TECPR1: variants seen among roughly 807,000 people sequenced by gnomAD.
The protein encoded by TECPR1 is tectonin beta-propeller repeat containing 1.
A neutral mutation model predicts 162.4 loss-of-function variants in TECPR1; 122 were observed. The observed-to-expected ratio is 0.75, with a 90% CI of 0.65 to 0.87. The LOEUF (loss-of-function observed/expected upper bound fraction) is 0.87. Among genes scored for constraint, TECPR1 ranks in the 40% least tolerant of loss-of-function variants. TECPR1 has a pLI of 0.00. For synonymous variants in TECPR1, 642 were observed against 670.6 expected (o/e 0.96, Z 0.66); for missense variants, 1,432 against 1,618.2 (o/e 0.88, Z 1.97).
In TECPR1 at chr7:98,252,126, C is replaced by A. The variant is rs1405319947; in HGVS notation, c.-175G>T. 6.6e-6 allele frequency: 1 copy of A among 152,546 alleles called. No individual in the cohort carries two copies. The highest frequency in any genetic ancestry group is 1.5e-5 in the Non-Finnish European group (1 of 68,306). 9.4% of individuals were successfully genotyped at this position (152,546 alleles called of 1,614,324 possible). A position where few individuals can be genotyped will look rare whatever the true frequency, so the allele number is the denominator to read the frequency against. ...AGCTGGGGCGCCACTCTGCACTCAC[C>A]TGGGCCCGCGCCGGGCGGGGCGAAG... is the stretch of plus-strand genomic sequence containing the variant. On this transcript the variant is annotated splice_region_variant and 5_prime_UTR_variant, in exon 1 of 26. In the 5' UTR this introduces an upstream ATG that the reference lacks. Transcript: ENST00000447648.
Position 98,240,816 on chromosome 7 carries a change from G to A in TECPR1, c.933+35C>T, listed in dbSNP as rs758341335. Reference sequence around the variant, plus strand: ...GCTCACTGCAGTCTCCAACTCCTGGGCTCAAGTGATCCCCCAGCCTCATCC... The same window carrying A: ...GCTCACTGCAGTCTCCAACTCCTGGACTCAAGTGATCCCCCAGCCTCATCC... On this transcript the variant is annotated intron_variant, in intron 8 of 25. Transcript: ENST00000447648. 3 of 1,542,012 alleles carry A rather than the reference G, an allele frequency of 1.9e-6. No individual in the cohort carries two copies. In the South Asian group the frequency reaches 3.5e-5, roughly 18 times the overall value.
chr7:98,220,140 G>A (rs187380756), intron 23 of TECPR1, among the ~76,000 whole-genome samples: 4 of 151,884 alleles, frequency 2.6e-5, no homozygotes, highest in Admixed American at 1.3e-4. Context: ...TCAGGAGTTC[G>A]AGACCAGCCT....
chr7:98,251,007 C>T (rs1373391051), intron 2 of TECPR1: 1 of 152,200 alleles, frequency 6.6e-6, no homozygotes, highest in East Asian at 1.9e-4. Context: ...CCCCTAGCTC[C>T]TCATGGGCCA....
intron 19 of TECPR1, among the ~76,000 whole-genome samples, chr7:98,224,537 C>T (rs1445526696): frequency 6.6e-6 from 1 of 152,174 alleles, no homozygotes; most frequent in East Asian, 1.9e-4. Flanking sequence ...ATGAACGTGG[C>T]GTGGGGGAGC....
rs1296686951 is a variant in TECPR1, at chr7:98,232,255, T to G, written c.1819-296A>C. The stretch of plus-strand genomic sequence containing the variant: ...GACAGGCTCGGGAGGGTTCCGTGCC[T>G]GGCTTTGGTGTCACAGAGTGAGCCA... On this transcript the variant is annotated intron_variant, in intron 12 of 25. Transcript: ENST00000447648. This position sits in a 1 kb window ranked among gnomAD's most constrained non-coding sequence, Gnocchi z 4.6. Among the ~76,000 whole-genome samples the G allele has an allele frequency of 6.6e-6, 1 of 152,094 alleles. No homozygotes were observed. The highest frequency in any genetic ancestry group is 1.5e-5 in the Non-Finnish European group (1 of 68,016).
chr7:98,228,116 C>G lies in TECPR1; in HGVS notation c.2411G>C (p.Gly804Ala). ...TGGYGGGCFQGLASSTSNIYT... is the reference protein window; with the variant it reads ...TGGYGGGCFQALASSTSNIYT... ...GATGTTACTGGTGCTGCTGGCCAGG[C>G]CTGTGGGGAGAGGTGGCTGCTGGGA... The change falls in exon 17 of 26, where the codon GGC becomes GCC. Residue 804 changes from glycine (G) to alanine (A), a missense_variant and splice_region_variant. Transcript: ENST00000447648. The G allele has an allele frequency of 6.2e-7, 1 of 1,608,460 alleles. No homozygotes were observed. The highest frequency in any genetic ancestry group is 1.7e-4 in the Middle Eastern group (1 of 5,958).
Position 98,233,636 on chromosome 7 carries a change from G to A in TECPR1, c.1457C>T (p.Pro486Leu). ...PGPAPTPAEL[P>L]WTNIDLKEAK... ...CTCCTTGAGGTCAATATTGGTCCAG[G>A]GCAGCTCGGCCGGGGTGGGGGCCGG... The change falls in exon 11 of 26, where the codon CCC becomes CTC. Residue 486 changes from proline to leucine, a missense_variant. Transcript: ENST00000447648. 1.3e-6 allele frequency: 2 copies of A among 1,590,854 alleles called. No homozygotes were observed. The highest frequency in any genetic ancestry group is 1.7e-6 in the Non-Finnish European group (2 of 1,167,556).
chr7:98,217,547 G>GGACTC (rs1491414362), intron 25 of TECPR1, 44 bp from the exon 26 acceptor site: 2 of 38,168 alleles, frequency 5.2e-5, no homozygotes, highest in Non-Finnish European at 1.1e-4. Context: ...GGGGACTCGA[G>GGACTC]GATCCTGGAG....
chr7:98,225,229 T>G, intron 17 of TECPR1, 127 bp from the exon 18 acceptor site: 1 of 857,128 alleles, frequency 1.2e-6, no homozygotes, highest in Non-Finnish European at 1.9e-6. Flanking sequence ...CTCCAGGCAC[T>G]CGCACTCCTA....
intron 23 of TECPR1, among the ~76,000 whole-genome samples, chr7:98,220,370 G>A (rs537235580): frequency 2.0e-5 from 3 of 152,078 alleles, no homozygotes; most frequent in East Asian, 1.9e-4. Flanking sequence ...ATTTTTTAAC[G>A]GTACATTTTA....
chr7:98,223,103 T>C lies in TECPR1; in HGVS notation c.2815A>G (p.Ile939Val), dbSNP rs752864455. The C allele has an allele frequency of 2.6e-5, 41 of 1,604,164 alleles. No individual in the cohort carries two copies. Among genetic ancestry groups the C allele is most frequent in the Non-Finnish European group, 3.3e-5 (39 of 1,176,132 alleles). Residue 939 changes from isoleucine (I) to valine (V), a missense_variant, in exon 21 of 26, where the codon ATC (isoleucine) becomes GTC (valine). Physicochemically the swap from Ile to Val is conservative, Grantham distance 29. Transcript: ENST00000447648. ...TCGGCACCCGGGCTCTCCGGGATGATGGACACGTCCCTGAGGGCGATGGGG... is the reference window on the plus strand; with the variant it reads ...TCGGCACCCGGGCTCTCCGGGATGACGGACACGTCCCTGAGGGCGATGGGG... ...VPPIALRDVS[I>V]IPESPGAEGS...
At chr7:98,230,843 C>T in intron 15 of TECPR1, 118 bp downstream of exon 15, 2 of 1,353,124 alleles carry the variant, frequency 1.5e-6, no homozygotes, top group Non-Finnish European at 2.0e-6. Flanking sequence ...CGTGCCTCTG[C>T]CTGGTCAGCG....
intron 2 of TECPR1, among the ~76,000 whole-genome samples, chr7:98,247,964 G>A (rs1350843328): frequency 2.0e-5 from 3 of 152,078 alleles, no homozygotes; most frequent in Admixed American, 1.3e-4. Context: ...GGCCTCAAGC[G>A]ATCCTCCCAC....
chr7:98,231,785 C>T lies in TECPR1; in HGVS notation c.1974+19G>A. The T allele has an allele frequency of 6.2e-7, 1 of 1,608,042 alleles. No individual in the cohort carries two copies. Among genetic ancestry groups the T allele is most frequent in the Non-Finnish European group, 8.5e-7 (1 of 1,176,502 alleles). ...TGTGTCCCCTCCCTGGCCCCATCTC[C>T]TGTGGGACCCGTGGGCACCTTCTTC... On this transcript the variant is annotated intron_variant, in intron 13 of 25. Transcript: ENST00000447648.
In TECPR1 at chr7:98,228,999, C is replaced by T. The variant is rs374861977; in HGVS notation, c.2410+40G>A. The T allele has an allele frequency of 1.0e-4, 160 of 1,582,254 alleles. 1 individual carries two copies. Among genetic ancestry groups the T allele is most frequent in the Middle Eastern group, 2.2e-4 (1 of 4,518 alleles). On this transcript the variant is annotated intron_variant, in intron 16 of 25. Transcript: ENST00000447648. ...CCCAGACGGGGACTAGAGGAAAGAA[C>T]GCCCAGGAAGGCTCCGGGGGGGCTG... is the stretch of plus-strand genomic sequence containing the variant.
chr7:98,235,642 C>T (rs932130851), intron 10 of TECPR1, among the ~76,000 whole-genome samples: 1 of 150,094 alleles, frequency 6.7e-6, no homozygotes, highest in African/African-American at 2.5e-5. Context: ...CAAGCCTAGC[C>T]AACATGGGGA....
At chr7:98,239,094 C>G (rs1027236550) in intron 8 of TECPR1, among the ~76,000 whole-genome samples, 9 of 152,226 alleles carry the variant, frequency 5.9e-5, no homozygotes, top group Non-Finnish European at 1.2e-4. Context: ...TACACACACT[C>G]CCACTAGATT....
Position 98,238,542 on chromosome 7 carries a change from C to T in TECPR1, c.1002G>A (p.Glu334=). ...CGTSWIEMVG[E]MTMVNVGMND... Reference sequence around the variant, plus strand: ...TCATTCCCACGTTCACCATCGTCATCTCACCAACCATCTCAATCCAACTGG... The same window carrying T: ...TCATTCCCACGTTCACCATCGTCATTTCACCAACCATCTCAATCCAACTGG... Residue 334 remains glutamate (E), a synonymous_variant, in exon 9 of 26, where the codon GAG becomes GAA. Transcript: ENST00000447648. 1 of 1,573,260 alleles carries T rather than the reference C, an allele frequency of 6.4e-7. No homozygotes were observed. The highest frequency in any genetic ancestry group is 2.3e-5 in the East Asian group (1 of 42,804).
In TECPR1 at chr7:98,229,137, C is replaced by T. The variant is rs374571399; in HGVS notation, c.2312G>A (p.Arg771Gln). ...GCCCCGGCTGTTGGCCTCCACCATCCGCAGGTGGCCTCCCATCTGCCGCCA... is the reference window on the plus strand; with the variant it reads ...GCCCCGGCTGTTGGCCTCCACCATCTGCAGGTGGCCTCCCATCTGCCGCCA... ...MFWRQMGGHL[R>Q]MVEANSRGVV... Residue 771 changes from arginine (R) to glutamine (Q), a missense_variant, in exon 16 of 26, where the codon CGG becomes CAG. Arg to Gln is a conservative substitution (Grantham distance 43, BLOSUM62 1). Coordinates refer to ENST00000447648, the MANE Select transcript of TECPR1 (RefSeq NM_015395.3). The T allele has an allele frequency of 4.5e-5, 70 of 1,563,866 alleles. No individual in the cohort carries two copies. The highest frequency in any genetic ancestry group is 2.4e-4 in the African/African-American group (18 of 73,522).
Sources: gnomAD v4.1 joint callset for allele counts (sites outside exome capture counted in the v4.1 genomes callset) on GRCh38, gnomAD v4.1.1 for gene constraint, Gnocchi (gnomAD v3.1) non-coding constraint, MANE v1.5 for transcripts, NCBI Gene and HGNC (gene_info 2026-07-23, HGNC 2026-07-21) for gene names.